PLXDC2: variants seen among roughly 807,000 people sequenced by gnomAD.
PLXDC2 encodes the protein plexin domain containing 2, also known as plexin domain-containing protein 2.
Under a neutral mutation model 68.9 loss-of-function variants are expected in PLXDC2, and 40 were observed. The observed-to-expected ratio is 0.58, with a 90% CI of 0.45 to 0.76. PLXDC2 has a LOEUF of 0.76. Among genes scored for constraint, PLXDC2 ranks in the 30% least tolerant of loss-of-function variants. The pLI, the probability that PLXDC2 is intolerant of heterozygous loss-of-function variation, is 0.00. For synonymous variants in PLXDC2, 243 were observed against 234.2 expected (o/e 1.04, Z -0.34); for missense variants, 644 against 661.9 (o/e 0.97, Z 0.30).
rs368244668 is a variant in PLXDC2 at position 20,068,188 on chromosome 10, G to T, written c.490G>T (p.Asp164Tyr). ...TTTGCAGAGAGTGAATCTGTCCTTC[G>T]ATTTTCCATTTTATGGCCACTTCCT... is the stretch of plus-strand genomic sequence containing the variant. Reference protein sequence around the residue: ...RQAARVNLSFDFPFYGHFLRE... With the variant: ...RQAARVNLSFYFPFYGHFLRE... Residue 164 changes from aspartate to tyrosine, a missense_variant, in exon 4 of 14, where the codon GAT becomes TAT. Physicochemically the swap from Asp to Tyr is radical, Grantham distance 160. Transcript: ENST00000377252. 1.9e-6 allele frequency: 3 copies of T among 1,612,986 alleles called. No homozygotes were observed. In the South Asian group the frequency reaches 3.3e-5, roughly 18 times the overall value.
chr10:19,914,512 T>C (rs961420638), intron 1 of PLXDC2, among the ~76,000 whole-genome samples: 1 of 152,204 alleles, frequency 6.6e-6, no homozygotes, highest in Non-Finnish European at 1.5e-5. Context: ...GAGAAATAAA[T>C]GATAAGTAAA....
intron 13 of PLXDC2, among the ~76,000 whole-genome samples, chr10:20,249,357 A>G (rs977101784): frequency 6.6e-6 from 1 of 152,214 alleles, no homozygotes; most frequent in East Asian, 1.9e-4. Context: ...CCACAAACCT[A>G]GTTACTTAAA....
At chr10:19,856,379 G>GACAC (rs34129216) in intron 1 of PLXDC2, among the ~76,000 whole-genome samples, 15,054 of 144,148 alleles carry the variant, frequency 0.1, 887 homozygotes, top group Admixed American at 0.16. Flanking sequence ...CACACACACA[G>GACAC]ACACACACAC....
At chr10:20,198,031 A>C (rs189313244) in intron 9 of PLXDC2, among the ~76,000 whole-genome samples, 1 of 152,214 alleles carries the variant, frequency 6.6e-6, no homozygotes, top group Non-Finnish European at 1.5e-5. Context: ...TTAGATAATA[A>C]ATTTTCTGTC....
At chr10:19,972,404 G>A (rs1014240147) in intron 1 of PLXDC2, among the ~76,000 whole-genome samples, 1 of 152,168 alleles carries the variant, frequency 6.6e-6, no homozygotes, top group Non-Finnish European at 1.5e-5. Flanking sequence ...GAGGACTTGT[G>A]GACATTGAGA....
intron 13 of PLXDC2, among the ~76,000 whole-genome samples, chr10:20,252,415 T>C (rs981308402): frequency 3.3e-5 from 5 of 152,254 alleles, no homozygotes. Flanking sequence ...ATTAATTTTA[T>C]TCATGTTTAC....
intron 2 of PLXDC2, among the ~76,000 whole-genome samples, chr10:20,008,910 T>C (rs904679866): frequency 1.3e-5 from 2 of 152,240 alleles, no homozygotes; most frequent in East Asian, 3.8e-4. Flanking sequence ...GCCGTGATTG[T>C]CAGGCCTCTC....
At chr10:19,838,560 T>C (rs1468260620) in intron 1 of PLXDC2, among the ~76,000 whole-genome samples, 3 of 152,204 alleles carry the variant, frequency 2.0e-5, no homozygotes, top group Non-Finnish European at 4.4e-5. Flanking sequence ...TGAGCTCAGA[T>C]GAACTGAAGT....
intron 1 of PLXDC2, among the ~76,000 whole-genome samples, chr10:19,834,279 G>A (rs1277178177): frequency 6.6e-6 from 1 of 152,080 alleles, no homozygotes; most frequent in Non-Finnish European, 1.5e-5. Context: ...CCTTTGGCAA[G>A]GCCCCTGGTT....
At chr10:20,177,271 C>G (rs1834539853) in intron 8 of PLXDC2, 57 bp from the exon 9 acceptor site, 7 of 1,448,706 alleles carry the variant, frequency 4.8e-6, no homozygotes, top group Non-Finnish European at 6.8e-6. Flanking sequence ...TGAGTAATCT[C>G]TTTCCCCTCC....
At position 20,194,190 on chromosome 10, in the gene PLXDC2, CTG is replaced by C. The variant is rs58142621; in HGVS notation, c.1061+16819_1061+16820del. Among the ~76,000 whole-genome samples the C allele has an allele frequency of 9.4e-3, 1,346 of 143,718 alleles. 9 individuals are homozygous for C. Among genetic ancestry groups the C allele is most frequent in the East Asian group, 0.032 (144 of 4,456 alleles). 94.3% of individuals were successfully genotyped at this position (143,718 alleles called of 152,430 possible). A position where few individuals can be genotyped will look rare whatever the true frequency, so the allele number is the denominator to read the frequency against. On this transcript the variant is annotated intron_variant, in intron 9 of 13. Transcript: ENST00000377252. ...ACTTTGAGAGACGAATTGAACTCAG[CTG>C]TGTGTGTGTGTGTGTGTGTGTGTGT...
chr10:20,233,987 C>CTT lies in PLXDC2; in HGVS notation c.1313-11346_1313-11345dup, dbSNP rs113028024. Among the ~76,000 whole-genome samples the CTT allele has an allele frequency of 4.6e-3, 670 of 144,916 alleles. 1 individual carries two copies. The highest frequency in any genetic ancestry group is 6.9e-3 in the African/African-American group (269 of 39,180). On this transcript the variant is annotated intron_variant, in intron 12 of 13. Transcript: ENST00000377252. ...AGTTATGCATCCCCATGCCCACCTA[C>CTT]TTTTTTTTTTTTTATTTTTTGTAGA... is the stretch of plus-strand genomic sequence containing the variant.
intron 1 of PLXDC2, among the ~76,000 whole-genome samples, chr10:19,903,796 C>T (rs1303576498): frequency 6.6e-6 from 1 of 150,836 alleles, no homozygotes; most frequent in Non-Finnish European, 1.5e-5. Flanking sequence ...TGTGCTCTTT[C>T]AGACTTTTTG....
At chr10:20,026,079 A>G (rs1479487953) in intron 2 of PLXDC2, among the ~76,000 whole-genome samples, 20 of 152,242 alleles carry the variant, frequency 1.3e-4, no homozygotes, top group Admixed American at 8.5e-4. Flanking sequence ...CGATTATTCA[A>G]TTGAGTTCCT....
chr10:20,274,150 T>C (rs1835975077), intron 13 of PLXDC2, among the ~76,000 whole-genome samples: 1 of 151,964 alleles, frequency 6.6e-6, no homozygotes, highest in African/African-American at 2.4e-5. Context: ...GAAAGTGTTC[T>C]TGGAAATATG....
chr10:20,105,245 A>G (rs1279428473), intron 4 of PLXDC2, among the ~76,000 whole-genome samples: 1 of 152,122 alleles, frequency 6.6e-6, no homozygotes, highest in Non-Finnish European at 1.5e-5. Context: ...ATTCTGTTCC[A>G]GAAACGTTTT....
chr10:20,234,896 G>T (rs1471610006), intron 12 of PLXDC2, among the ~76,000 whole-genome samples: 1 of 152,074 alleles, frequency 6.6e-6, no homozygotes, highest in Non-Finnish European at 1.5e-5. Context: ...ATGAATCCCT[G>T]CTTCCTTGGG....
intron 2 of PLXDC2, among the ~76,000 whole-genome samples, chr10:20,029,818 C>T (rs758773995): frequency 1.5e-4 from 23 of 152,106 alleles, no homozygotes; most frequent in Non-Finnish European, 3.4e-4. Context: ...CTTCTTGCTT[C>T]TTTATTTTTA....
At chr10:19,888,897 A>G (rs1171236795) in intron 1 of PLXDC2, among the ~76,000 whole-genome samples, 2 of 152,184 alleles carry the variant, frequency 1.3e-5, no homozygotes, top group African/African-American at 4.8e-5. Flanking sequence ...AGTTTTGACA[A>G]TGCCAACCAG....
Sources: gnomAD v4.1 joint callset for allele counts (sites outside exome capture counted in the v4.1 genomes callset) on GRCh38, gnomAD v4.1.1 for gene constraint, MANE v1.5 for transcripts, NCBI Gene and HGNC (gene_info 2026-07-23, HGNC 2026-07-21) for gene names.